PSMA8: variants seen among roughly 807,000 people sequenced by gnomAD.
PSMA8 encodes the protein proteasome subunit alpha-type 8.
PSMA8 carries 18 observed loss-of-function variants against 32.4 expected under a neutral mutation model. That is an observed-to-expected ratio of 0.56 (90% CI 0.38 to 0.82). The LOEUF (loss-of-function observed/expected upper bound fraction) is 0.82, where lower values mean the gene tolerates loss of function less well. PSMA8 is among the 40% of genes least tolerant of loss of function. The pLI, the probability that PSMA8 is intolerant of heterozygous loss-of-function variation, is 0.00. For missense variants in PSMA8, 298 were observed against 300.7 expected (o/e 0.99, Z 0.07); for synonymous variants, 104 against 98.1 (o/e 1.06, Z -0.36).
Position 26,151,846 on chromosome 18 carries a change from C to A in PSMA8, c.230-12C>A. On this transcript the variant is annotated splice_polypyrimidine_tract_variant and intron_variant, in intron 2 of 6. Coordinates refer to ENST00000415576, the MANE Select transcript of PSMA8 (RefSeq NM_001025096.2). ...TTTTGTGGTTTTTGTGAAGTTTTGACAATTTTTATAGGACTTACTGCTGAT... is the reference window on the plus strand; with the variant it reads ...TTTTGTGGTTTTTGTGAAGTTTTGAAAATTTTTATAGGACTTACTGCTGAT... 1 of 1,573,156 alleles carries A rather than the reference C, an allele frequency of 6.4e-7. No individual in the cohort carries two copies. Among genetic ancestry groups the A allele is most frequent in the Non-Finnish European group, 8.6e-7 (1 of 1,164,924 alleles).
At chr18:26,186,595 G>A (rs377447068) in intron 6 of PSMA8, among the ~76,000 whole-genome samples, 14 of 152,190 alleles carry the variant, frequency 9.2e-5, no homozygotes, top group African/African-American at 3.1e-4. Context: ...GAAGTAAATA[G>A]TATTTACTAA....
At chr18:26,181,410 G>A (rs567025268) in intron 6 of PSMA8, among the ~76,000 whole-genome samples, 2 of 152,110 alleles carry the variant, frequency 1.3e-5, no homozygotes, top group South Asian at 4.2e-4. Flanking sequence ...GCCTCCTATT[G>A]CCTGAGGCAT....
chr18:26,161,274 T>C (rs1305315759), intron 4 of PSMA8, among the ~76,000 whole-genome samples: 2 of 152,228 alleles, frequency 1.3e-5, no homozygotes, highest in Non-Finnish European at 2.9e-5. Flanking sequence ...AGGATATTCA[T>C]GAGACACATC....
chr18:26,184,812 C>T (rs1333299484), intron 6 of PSMA8, among the ~76,000 whole-genome samples: 1 of 145,306 alleles, frequency 6.9e-6, no homozygotes, highest in Non-Finnish European at 1.5e-5. Flanking sequence ...GGCAGCCGGG[C>T]ACAGTGGCTC....
At chr18:26,150,397 GCAC>G (rs2055036168) in intron 2 of PSMA8, among the ~76,000 whole-genome samples, 2 of 151,690 alleles carry the variant, frequency 1.3e-5, no homozygotes, top group Non-Finnish European at 2.9e-5. Context: ...GAGTACAGTG[GCAC>G]GATCATAGCT....
At position 26,144,710 on chromosome 18, in the gene PSMA8, T is replaced by G. The variant is rs368527880; in HGVS notation, c.229+25T>G. ...GGTACTTAAGGTCCTACAATAATGA[T>G]GCATAGTGTCTTACTGTAGTAGGGC... On this transcript the variant is annotated intron_variant, in intron 2 of 6. Coordinates refer to ENST00000415576, the MANE Select transcript of PSMA8 (RefSeq NM_001025096.2). The G allele has an allele frequency of 1.2e-4, 196 of 1,611,614 alleles. No homozygotes were observed. The African/African-American group carries it at 2.4e-3, about 20-fold the overall frequency.
At chr18:26,192,227 A>T in intron 6 of PSMA8, 92 bp from the exon 7 acceptor site, 1 of 1,071,428 alleles carries the variant, frequency 9.3e-7, no homozygotes, top group Middle Eastern at 3.4e-4. Context: ...CATAGAAAGT[A>T]TAAATTTATT....
intron 2 of PSMA8, among the ~76,000 whole-genome samples, chr18:26,150,555 G>C (rs1044792287): frequency 6.6e-6 from 1 of 152,090 alleles, no homozygotes; most frequent in African/African-American, 2.4e-5. Context: ...GCTCAGGCTA[G>C]TCGCAAACAC....
chr18:26,184,773 C>CAAA (rs1278227957), intron 6 of PSMA8, among the ~76,000 whole-genome samples: 3 of 77,004 alleles, frequency 3.9e-5, no homozygotes, highest in Admixed American at 1.6e-4. Context: ...GACTCTGTCT[C>CAAA]AAAAAAAAAA....
chr18:26,171,652 T>G (rs1462787085), intron 4 of PSMA8, among the ~76,000 whole-genome samples: 1 of 152,110 alleles, frequency 6.6e-6, no homozygotes, highest in Non-Finnish European at 1.5e-5. Flanking sequence ...GAGAATTGCT[T>G]GAACCTGGAA....
At chr18:26,177,714 A>G (rs1704921244) in intron 4 of PSMA8, among the ~76,000 whole-genome samples, 1 of 152,228 alleles carries the variant, frequency 6.6e-6, no homozygotes, top group African/African-American at 2.4e-5. Context: ...CTTCTTGCTT[A>G]AGAGTCAAAG....
At chr18:26,160,861 A>G (rs2055129906) in intron 4 of PSMA8, among the ~76,000 whole-genome samples, 1 of 152,216 alleles carries the variant, frequency 6.6e-6, no homozygotes, top group Non-Finnish European at 1.5e-5. Flanking sequence ...GATTTTATTT[A>G]TGAGGACTGG....
Position 26,133,938 on chromosome 18 carries a change from C to G in PSMA8, c.-28C>G, listed in dbSNP as rs199655437. ...GCCTCAGCTGCAGCAGCGGGAAGCT[C>G]GGTGGCAAGCCCTTGTAGTCCTGTG... On this transcript the variant is annotated 5_prime_UTR_variant, in exon 1 of 7. Coordinates refer to ENST00000415576, the MANE Select transcript of PSMA8 (RefSeq NM_001025096.2). 1,124 of 1,582,456 alleles carry G rather than the reference C, an allele frequency of 7.1e-4. 1 individual carries two copies. The highest frequency in any genetic ancestry group is 9.0e-4 in the Non-Finnish European group (1,037 of 1,152,480).
At chr18:26,168,468 C>T (rs1376680990) in intron 4 of PSMA8, among the ~76,000 whole-genome samples, 1 of 119,388 alleles carries the variant, frequency 8.4e-6, no homozygotes, top group African/African-American at 4.5e-5. Flanking sequence ...GAATGATTGC[C>T]TAACCAACCC....
At chr18:26,156,702 A>G (rs2144303551) in intron 3 of PSMA8, among the ~76,000 whole-genome samples, 2 of 148,352 alleles carry the variant, frequency 1.3e-5, no homozygotes, top group Middle Eastern at 3.6e-3. Context: ...TATTATATAT[A>G]AAATATATAT....
chr18:26,140,120 C>T (rs2054943434), intron 1 of PSMA8: 2 of 703,038 alleles, frequency 2.8e-6, no homozygotes, highest in East Asian at 5.4e-5. Flanking sequence ...GTAAGTACCT[C>T]TTCAGATTAG....
chr18:26,146,838 T>C (rs2055006956), intron 2 of PSMA8, among the ~76,000 whole-genome samples: 1 of 152,098 alleles, frequency 6.6e-6, no homozygotes. Context: ...TGAGACTGGG[T>C]AACTTATAAA....
chr18:26,182,372 G>C (rs1458065745), intron 6 of PSMA8, among the ~76,000 whole-genome samples: 2 of 152,214 alleles, frequency 1.3e-5, no homozygotes, highest in East Asian at 1.9e-4. Flanking sequence ...GGGACGGACT[G>C]TCTTGTTAGG....
At chr18:26,160,460 C>A (rs1184496815) in intron 4 of PSMA8, among the ~76,000 whole-genome samples, 1 of 152,184 alleles carries the variant, frequency 6.6e-6, no homozygotes, top group East Asian at 1.9e-4. Context: ...AAAATCCATT[C>A]TTGGAAGGTA....
Sources: allele counts gnomAD v4.1 joint callset (sites outside exome capture counted in the v4.1 genomes callset), GRCh38; gene constraint gnomAD v4.1.1; transcripts MANE v1.5; gene names NCBI Gene and HGNC (gene_info 2026-07-23, HGNC 2026-07-21).